The following SLC1A2 variants were observed in gnomAD, a reference collection of about 807,000 sequenced individuals.
SLC1A2 encodes excitatory amino acid transporter 2.
Under a neutral mutation model 48.8 loss-of-function variants are expected in SLC1A2, and 15 were observed. The ratio of observed to expected loss-of-function variants is 0.31; its 90% CI spans 0.21 to 0.47. The LOEUF is 0.47. Ranked by LOEUF, SLC1A2 falls within the 20% of genes least tolerant of loss-of-function variation. The probability of loss-of-function intolerance (pLI) is 0.99; values close to 1 mark genes in which losing one functional copy is unlikely to be tolerated. For synonymous variants in SLC1A2, 279 were observed against 272.6 expected, an observed-to-expected ratio of 1.02 and a Z score of -0.23; for missense variants, 502 against 730.5, an observed-to-expected ratio of 0.69 and a Z score of 3.61.
intron 9 of SLC1A2, among the ~76,000 whole-genome samples, chr11:35,274,945 T>G (rs920371095): frequency 6.6e-6 from 1 of 152,168 alleles, no homozygotes; most frequent in Non-Finnish European, 1.5e-5. Context: ...GTAGAGGTGC[T>G]CATATACCCA....
chr11:35,318,283 G>A (rs2134909537), intron 1 of SLC1A2, among the ~76,000 whole-genome samples: 1 of 152,292 alleles, frequency 6.6e-6, no homozygotes, highest in South Asian at 2.1e-4. Flanking sequence ...GCCCTTGCTG[G>A]GGTAATGGGA....
At chr11:35,311,641 A>C (rs1851691035) in intron 4 of SLC1A2, among the ~76,000 whole-genome samples, 1 of 152,086 alleles carries the variant, frequency 6.6e-6, no homozygotes, top group Non-Finnish European at 1.5e-5. Flanking sequence ...TTACTTCCAC[A>C]ATTTAAAAAA....
At chr11:35,358,631 CTTCT>C (rs1392253896) in intron 1 of SLC1A2, among the ~76,000 whole-genome samples, 1 of 152,126 alleles carries the variant, frequency 6.6e-6, no homozygotes, top group African/African-American at 2.4e-5. Flanking sequence ...TTTCATTTGA[CTTCT>C]TTATTTTATT....
intron 9 of SLC1A2, among the ~76,000 whole-genome samples, chr11:35,270,458 G>A (rs142367549): frequency 6.6e-6 from 1 of 152,334 alleles, no homozygotes; most frequent in African/African-American, 2.4e-5. Context: ...AATAGTTTGA[G>A]TTCTTTGTTA....
chr11:35,350,547 G>A (rs1246449736), intron 1 of SLC1A2, among the ~76,000 whole-genome samples: 1 of 152,194 alleles, frequency 6.6e-6, no homozygotes, highest in African/African-American at 2.4e-5. Context: ...TTCAAACCCA[G>A]GTCTCTCCAG....
intron 6 of SLC1A2, chr11:35,299,036 G>A (rs1406148930): frequency 6.6e-6 from 1 of 152,200 alleles, no homozygotes; most frequent in African/African-American, 2.4e-5. Context: ...TGAATCTGAA[G>A]GACTTAAAAA....
At chr11:35,282,784 G>T (rs771205413) in intron 8 of SLC1A2, among the ~76,000 whole-genome samples, 1 of 152,132 alleles carries the variant, frequency 6.6e-6, no homozygotes, top group Non-Finnish European at 1.5e-5. Context: ...GTTATCCTTT[G>T]GTTGTGTGAG....
intron 8 of SLC1A2, among the ~76,000 whole-genome samples, chr11:35,285,109 C>T (rs1483493693): frequency 6.6e-6 from 1 of 152,226 alleles, no homozygotes; most frequent in African/African-American, 2.4e-5. Flanking sequence ...ATTGCCCCTT[C>T]TAATGCCCAA....
chr11:35,326,850 G>A (rs143210983), intron 1 of SLC1A2, among the ~76,000 whole-genome samples: 2 of 152,114 alleles, frequency 1.3e-5, no homozygotes, highest in East Asian at 3.9e-4. Context: ...TCCACCCAAG[G>A]ACCCAGATTT....
chr11:35,297,024 T>C (rs1409417612), intron 6 of SLC1A2, among the ~76,000 whole-genome samples: 3 of 152,108 alleles, frequency 2.0e-5, no homozygotes, highest in Non-Finnish European at 4.4e-5. Flanking sequence ...GAATAGAATA[T>C]TTATTGAATG....
At chr11:35,362,977 A>G (rs188081933) in intron 1 of SLC1A2, among the ~76,000 whole-genome samples, 158 of 152,352 alleles carry the variant, frequency 1.0e-3, no homozygotes, top group African/African-American at 3.6e-3. Flanking sequence ...CAAAAACCTG[A>G]TGAGGTAGCA....
chr11:35,306,231 C>A lies in SLC1A2; in HGVS notation c.573G>T (p.Val191=). Reference sequence around the variant, plus strand: ...GTGGTGCAACCAGGACTTTCTTCGTCACTGTTTGAATCTAACAGAGTGAGG... The same window carrying A: ...GTGGTGCAACCAGGACTTTCTTCGTAACTGTTTGAATCTAACAGAGTGAGG... ...VQACFQQIQT[V]TKKVLVAPPP... The change falls in exon 5 of 11, where the codon GTG becomes GTT. Residue 191 remains valine, a synonymous_variant. Transcript: ENST00000278379. The A allele has an allele frequency of 6.2e-7, 1 of 1,613,122 alleles. No individual in the cohort carries two copies. The highest frequency in any genetic ancestry group is 1.1e-5 in the South Asian group (1 of 91,016).
At chr11:35,275,514 G>T (rs1224109592) in intron 9 of SLC1A2, among the ~76,000 whole-genome samples, 2 of 152,178 alleles carry the variant, frequency 1.3e-5, no homozygotes, top group Non-Finnish European at 2.9e-5. Context: ...GAAGGTTCTG[G>T]TTTTAAACAG....
intron 4 of SLC1A2, among the ~76,000 whole-genome samples, chr11:35,308,855 T>C (rs1441975919): frequency 1.3e-5 from 2 of 152,132 alleles, no homozygotes; most frequent in Non-Finnish European, 2.9e-5. Flanking sequence ...TACTCAACTT[T>C]CTTCTTGTCT....
At chr11:35,412,799 G>T (rs939366167) in intron 1 of SLC1A2, among the ~76,000 whole-genome samples, 3 of 152,148 alleles carry the variant, frequency 2.0e-5, no homozygotes, top group African/African-American at 4.8e-5. Flanking sequence ...CATACCCAAG[G>T]CTCAATTCAA....
chr11:35,383,961 C>T (rs781661747), intron 1 of SLC1A2, among the ~76,000 whole-genome samples: 1 of 152,172 alleles, frequency 6.6e-6, no homozygotes, highest in Non-Finnish European at 1.5e-5. Context: ...TTGTTCTACT[C>T]GCTTGTTTGG....
At chr11:35,408,917 GA>G (rs1855380109) in intron 1 of SLC1A2, among the ~76,000 whole-genome samples, 1 of 152,168 alleles carries the variant, frequency 6.6e-6, no homozygotes, top group Non-Finnish European at 1.5e-5. Context: ...AACAGGTAAG[GA>G]AAGAAAAGCA....
chr11:35,378,029 C>T (rs1255731740), intron 1 of SLC1A2, among the ~76,000 whole-genome samples: 3 of 152,218 alleles, frequency 2.0e-5, no homozygotes, highest in Non-Finnish European at 4.4e-5. Flanking sequence ...TTAGTAGTTT[C>T]AGCCAGAAGA....
intron 1 of SLC1A2, among the ~76,000 whole-genome samples, chr11:35,408,452 T>C (rs894523650): frequency 6.6e-6 from 1 of 152,160 alleles, no homozygotes; most frequent in Non-Finnish European, 1.5e-5. Context: ...TCACAAGATC[T>C]GATGGGTTTA....
Sources: allele counts gnomAD v4.1 joint callset (sites outside exome capture counted in the v4.1 genomes callset), GRCh38; gene constraint gnomAD v4.1.1; transcripts MANE v1.5; gene names NCBI Gene and HGNC (gene_info 2026-07-23, HGNC 2026-07-21).